The following CCNB3 variants were observed in gnomAD, a reference collection of about 807,000 sequenced individuals.
CCNB3 encodes cyclin B3, also known as G2/mitotic-specific cyclin-B3.
Under a neutral mutation model 68.0 loss-of-function variants are expected in CCNB3, and 12 were observed. The ratio of observed to expected loss-of-function variants is 0.18; its 90% CI spans 0.11 to 0.29. The LOEUF (loss-of-function observed/expected upper bound fraction) is 0.29, where lower values mean the gene tolerates loss of function less well. Ranked by LOEUF, CCNB3 falls within the 10% of genes least tolerant of loss-of-function variation. The pLI, the probability that CCNB3 is intolerant of heterozygous loss-of-function variation, is 1.00. For missense variants in CCNB3, 904 were observed against 993.1 expected, an observed-to-expected ratio of 0.91 and a Z score of 1.21; for synonymous variants, 354 against 388.9, an observed-to-expected ratio of 0.91 and a Z score of 1.06.
intron 8 of CCNB3, among the ~76,000 whole-genome samples, chrX:50,334,108 G>T (rs1296677440): frequency 8.9e-6 from 1 of 112,471 alleles, no homozygotes; most frequent in East Asian, 2.8e-4. Context: ...CTGTGGCAAT[G>T]GTTTGGCTTC....
intron 1 of CCNB3, among the ~76,000 whole-genome samples, chrX:50,283,068 A>G (rs1279283253): frequency 9.0e-6 from 1 of 111,591 alleles, no homozygotes; most frequent in Non-Finnish European, 1.9e-5. Flanking sequence ...GTATTTATTA[A>G]ATGCCTGCCA....
intron 5 of CCNB3, among the ~76,000 whole-genome samples, chrX:50,307,799 C>T (rs1921160932): frequency 9.0e-6 from 1 of 111,150 alleles, no homozygotes; most frequent in Non-Finnish European, 1.9e-5. Context: ...CATATGATAT[C>T]TGGTCTTTAG....
intron 8 of CCNB3, among the ~76,000 whole-genome samples, chrX:50,322,007 T>C (rs1275081745): frequency 6.4e-5 from 7 of 109,758 alleles, no homozygotes; most frequent in African/African-American, 2.3e-4. Context: ...ATGTTATGAG[T>C]GTTATCCTTT....
At chrX:50,344,174 G>T (rs1302311485) in intron 9 of CCNB3, among the ~76,000 whole-genome samples, 1 of 112,410 alleles carries the variant, frequency 8.9e-6, no homozygotes, top group Non-Finnish European at 1.9e-5. Flanking sequence ...GTGTAGCCTA[G>T]GAGCAATAGG....
chrX:50,285,344 T>C, intron 3 of CCNB3, 85 bp downstream of exon 3: 1 of 727,460 alleles, frequency 1.4e-6, no homozygotes, highest in African/African-American at 2.1e-5. Context: ...TGTGAGTCTT[T>C]TGAAATATGT....
chrX:50,215,099 C>T (rs1227694714), intron 1 of CCNB3, among the ~76,000 whole-genome samples: 3 of 110,635 alleles, frequency 2.7e-5, no homozygotes, highest in Non-Finnish European at 5.7e-5. Flanking sequence ...ATGCCATTCT[C>T]TTGCCTCAGC....
At chrX:50,290,601 CT>C (rs1301229315) in intron 4 of CCNB3, among the ~76,000 whole-genome samples, 2 of 111,964 alleles carry the variant, frequency 1.8e-5, no homozygotes, top group Non-Finnish European at 3.8e-5. Flanking sequence ...ATCTCAGTCC[CT>C]TTTTTCATGA....
chrX:50,305,502 T>C (rs1936745125), intron 5 of CCNB3, among the ~76,000 whole-genome samples: 1 of 110,199 alleles, frequency 9.1e-6, no homozygotes, highest in African/African-American at 3.3e-5. Flanking sequence ...CCGGGGACTG[T>C]TGTGGGGTCG....
chrX:50,329,751 T>A (rs781930692), intron 8 of CCNB3, among the ~76,000 whole-genome samples: 31 of 112,541 alleles, frequency 2.8e-4, no homozygotes, highest in Non-Finnish European at 4.1e-4. Flanking sequence ...ATTCTTTCCC[T>A]GAAAACAGTA....
chrX:50,311,488 C>T lies in CCNB3; in HGVS notation c.3319C>T (p.Pro1107Ser), dbSNP rs184355440. The T allele has an allele frequency of 3.4e-6, 4 of 1,180,107 alleles. No homozygotes were observed. The highest frequency in any genetic ancestry group is 2.3e-6 in the Non-Finnish European group (2 of 872,934). The stretch of plus-strand genomic sequence containing the variant: ...TGTCTCACCACAGGCCAAGGGAACA[C>T]CAAAGGAGGTATTCATCTCCCTTTC... ...KPVSPQAKGT[P>S]KEITPREDID... Residue 1107 changes from proline to serine, a missense_variant, in exon 6 of 13, where the codon CCA becomes TCA. This residue lies in a region of CCNB3 where 285 missense variants were observed against 383.4 expected (regional missense o/e 0.74). Coordinates refer to ENST00000376042, the MANE Select transcript of CCNB3 (RefSeq NM_033031.3).
At chrX:50,351,555 A>G (rs2147109921) in intron 12 of CCNB3, 52 bp from the exon 13 acceptor site, 1 of 1,110,239 alleles carries the variant, frequency 9.0e-7, no homozygotes, top group Non-Finnish European at 1.2e-6. Context: ...TCCATAGAGC[A>G]TGATTGTATT....
At chrX:50,342,417 A>G (rs1923188506) in intron 9 of CCNB3, 78 bp downstream of exon 9, 5 of 957,489 alleles carry the variant, frequency 5.2e-6, no homozygotes, top group Non-Finnish European at 7.1e-6. Flanking sequence ...ATTCATATAT[A>G]TTCATTGTTA....
At chrX:50,312,996 T>C (rs1921548393) in intron 7 of CCNB3, among the ~76,000 whole-genome samples, 1 of 110,965 alleles carries the variant, frequency 9.0e-6, no homozygotes, top group Non-Finnish European at 1.9e-5. Flanking sequence ...GACACAAAAA[T>C]GGTCAAGTAG....
At chrX:50,279,977 A>G (rs1449685432) in intron 1 of CCNB3, among the ~76,000 whole-genome samples, 2 of 86,499 alleles carry the variant, frequency 2.3e-5, no homozygotes, top group Non-Finnish European at 4.2e-5. Context: ...TATATAATAT[A>G]TGTAGAATAT....
At chrX:50,333,409 G>A (rs782381977) in intron 8 of CCNB3, among the ~76,000 whole-genome samples, 6 of 111,848 alleles carry the variant, frequency 5.4e-5, no homozygotes, top group South Asian at 7.6e-4. Flanking sequence ...AAAAGGAGCC[G>A]CTCCATAAGC....
At chrX:50,204,141 A>T (rs1225942232), upstream of CCNB3, among the ~76,000 whole-genome samples, 7 of 111,630 alleles carry the variant, frequency 6.3e-5, no homozygotes, top group Non-Finnish European at 1.3e-4. Context: ...CTCAAGACAC[A>T]AGGTTTTGGA....
Position 50,310,211 on chromosome X carries a change from A to G in CCNB3, c.2042A>G (p.Lys681Arg). ...FSQELFSLHV[K>R]HTNKSGSLFQ... The stretch of plus-strand genomic sequence containing the variant: ...CAGGAACTATTTTCATTGCATGTTA[A>G]GCATACCAACAAAAGTGGGTCCCTC... Residue 681 changes from lysine to arginine, a missense_variant, in exon 6 of 13, where the codon AAG becomes AGG. This residue lies in a region of CCNB3 where 619 missense variants were observed against 609.8 expected (regional missense o/e 1.02). Coordinates refer to ENST00000376042, the MANE Select transcript of CCNB3 (RefSeq NM_033031.3). 8.3e-7 allele frequency: 1 copy of G among 1,209,414 alleles called. No homozygotes were observed. The highest frequency in any genetic ancestry group is 1.1e-6 in the Non-Finnish European group (1 of 894,121).
chrX:50,286,825 T>G lies in CCNB3; in HGVS notation c.96+1566T>G. Among the ~76,000 whole-genome samples, 4 of 111,461 alleles carry G rather than the reference T, an allele frequency of 3.6e-5. No homozygotes were observed. The Middle Eastern group carries it at 0.014, about 387-fold the overall frequency. On this transcript the variant is annotated intron_variant, in intron 3 of 12. Transcript: ENST00000376042. ...CCACCGCGCCCAGCTAATTTTTGTA[T>G]TTTTGATAGAGACGGGGTTTCCCCG... is the stretch of plus-strand genomic sequence containing the variant.
rs192497519 is a variant in CCNB3, at chrX:50,348,413, G to A, written c.3960+638G>A. On this transcript the variant is annotated intron_variant, in intron 11 of 12. Transcript: ENST00000376042. ...TATATAATCCAAGTAGCAGGAGTAT[G>A]CTTGCAAATGCAGCCCCTCTGCTCA... Among the ~76,000 whole-genome samples the A allele has an allele frequency of 3.6e-5, 4 of 112,003 alleles. No individual in the cohort carries two copies. In the East Asian group the frequency reaches 1.1e-3, roughly 31 times the overall value.
Sources: gnomAD v4.1 joint callset for allele counts (sites outside exome capture counted in the v4.1 genomes callset) on GRCh38, gnomAD v4.1.1 for gene constraint, gnomAD v4.1.1 regional missense constraint, MANE v1.5 for transcripts, NCBI Gene and HGNC (gene_info 2026-07-23, HGNC 2026-07-21) for gene names.